The following MBD4 variants were observed in gnomAD, a reference collection of about 807,000 sequenced individuals.
MBD4 encodes methyl-CpG-binding domain protein 4.
Under a neutral mutation model 60.2 loss-of-function variants are expected in MBD4, and 53 were observed. That is an observed-to-expected ratio of 0.88 (90% CI 0.71 to 1.11). The LOEUF is 1.11. Among genes scored for constraint, MBD4 ranks in the 50% least tolerant of loss-of-function variants. MBD4 has a pLI of 0.00. For missense variants in MBD4, 619 were observed against 674.0 expected, an observed-to-expected ratio of 0.92 and a Z score of 0.90; for synonymous variants, 231 against 229.8, an observed-to-expected ratio of 1.01 and a Z score of -0.05.
chr3:129,432,233 A>C, intron 7 of MBD4: 1 of 1,434,388 alleles, frequency 7.0e-7, no homozygotes, highest in Non-Finnish European at 9.1e-7. Flanking sequence ...GATAGCACAC[A>C]AATAGGGAAT....
chr3:129,437,935 A>G lies in MBD4; in HGVS notation c.120T>C (p.Ala40=). 6.2e-7 allele frequency: 1 copy of G among 1,607,936 alleles called. No individual in the cohort carries two copies. Among genetic ancestry groups the G allele is most frequent in the African/African-American group, 1.3e-5 (1 of 74,914 alleles). Residue 40 remains alanine (A), a synonymous_variant, in exon 2 of 8, where the codon GCT becomes GCC. Coordinates refer to ENST00000429544, the MANE Select transcript of MBD4 (RefSeq NM_001276270.2). ...PPNDLRKEDV[A]MELERVGEDE... ...CTTCTCCCACTCTTTCCAATTCCATAGCAACATCTTCTTTGCTGGAAAAAC... is the reference window on the plus strand; with the variant it reads ...CTTCTCCCACTCTTTCCAATTCCATGGCAACATCTTCTTTGCTGGAAAAAC...
Position 129,431,491 on chromosome 3 carries a change from G to C in MBD4, c.*10C>G, listed in dbSNP as rs761111334. 1 of 1,608,402 alleles carries C rather than the reference G, an allele frequency of 6.2e-7. No homozygotes were observed. Among genetic ancestry groups the C allele is most frequent in the Admixed American group, 1.7e-5 (1 of 60,006 alleles). ...CTATGCATAACAGATGAGCTTGAAA[G>C]CTGCAGAGTTTAAGATAGACTTAAT... On this transcript the variant is annotated 3_prime_UTR_variant, in exon 8 of 8. Transcript: ENST00000429544.
At position 129,436,736 on chromosome 3, in the gene MBD4, G is replaced by C. The variant is rs748871742; in HGVS notation, c.908C>G (p.Thr303Ser). The C allele has an allele frequency of 6.2e-7, 1 of 1,613,742 alleles. No homozygotes were observed. The highest frequency in any genetic ancestry group is 8.5e-7 in the Non-Finnish European group (1 of 1,179,946). Reference sequence around the variant, plus strand: ...TTTTACAAGGCTGTTTTCTTCACTGGTCACACTGAGGGTCTCACCACATGC... The same window carrying C: ...TTTTACAAGGCTGTTTTCTTCACTGCTCACACTGAGGGTCTCACCACATGC... The part of the protein sequence containing the change: ...AGACGETLSV[T>S]SEENSLVKKK... Residue 303 changes from threonine (T) to serine (S), a missense_variant, in exon 3 of 8, where the codon ACC (threonine) becomes AGC (serine). By Grantham distance (58) the Thr-to-Ser change is moderately conservative. Coordinates refer to ENST00000429544, the MANE Select transcript of MBD4 (RefSeq NM_001276270.2).
At position 129,432,563 on chromosome 3, in the gene MBD4, A is replaced by C. The variant is rs1398346491; in HGVS notation, c.1587T>G (p.His529Gln). 6.2e-7 allele frequency: 1 copy of C among 1,614,198 alleles called. No homozygotes were observed. The highest frequency in any genetic ancestry group is 8.5e-7 in the Non-Finnish European group (1 of 1,180,022). Residue 529 changes from histidine (H) to glutamine (Q), a missense_variant, in exon 7 of 8, where the codon CAT becomes CAG. His to Gln is a conservative substitution (Grantham distance 24). Transcript: ENST00000429544. Reference protein sequence around the residue: ...TKQWKYPIELHGIGKYGNDSY... With the variant: ...TKQWKYPIELQGIGKYGNDSY... ...AGTCGTTGCCATATTTACCAATCCC[A>C]TGAAGCTCAATTGGATACTTCCACT...
chr3:129,434,389 C>T (rs959886749), intron 3 of MBD4, among the ~76,000 whole-genome samples: 1 of 152,076 alleles, frequency 6.6e-6, no homozygotes, highest in Non-Finnish European at 1.5e-5. Flanking sequence ...ACTAAGTGTC[C>T]CAGCTAAAAT....
At chr3:129,438,012 T>G (rs2072503064) in intron 1 of MBD4, 62 bp from the exon 2 acceptor site, 1 of 980,170 alleles carries the variant, frequency 1.0e-6, no homozygotes, top group South Asian at 1.3e-5. Context: ...GCCTACTCAG[T>G]TTTAATCCAT....
At chr3:129,432,726 C>A in intron 6 of MBD4, 120 bp from the exon 7 acceptor site, 3 of 946,774 alleles carry the variant, frequency 3.2e-6, no homozygotes, top group South Asian at 1.3e-5. Flanking sequence ...TCTTTCCCAG[C>A]AACCCCAGTT....
At chr3:129,432,951 G>A in intron 6 of MBD4, 147 bp downstream of exon 6, 1 of 1,033,624 alleles carries the variant, frequency 9.7e-7, no homozygotes, top group Non-Finnish European at 1.4e-6. Context: ...CTGTGGTTTG[G>A]GGAAAGTGGA....
rs554600762 is a variant in MBD4, at chr3:129,437,807, C to T, written c.248G>A (p.Arg83His). 1.6e-5 allele frequency: 26 copies of T among 1,614,146 alleles called. No individual in the cohort carries two copies. Among genetic ancestry groups the T allele is most frequent in the Middle Eastern group, 3.3e-4 (2 of 6,062 alleles). ...TTCCCATCCACATGGGACAGACTTA[C>T]GGCATTCTGTTCCTGCAGTAGCACC... is the stretch of plus-strand genomic sequence containing the variant. ...QFGATAGTEC[R>H]KSVPCGWERV... Residue 83 changes from arginine to histidine, a missense_variant, in exon 2 of 8, where the codon CGT (arginine) becomes CAT (histidine). Physicochemically the swap from Arg to His is conservative, Grantham distance 29. Coordinates refer to ENST00000429544, the MANE Select transcript of MBD4 (RefSeq NM_001276270.2).
In MBD4 at chr3:129,431,604, C is replaced by G. The variant is rs769426144; in HGVS notation, c.1648-26G>C. 2.0e-5 allele frequency: 30 copies of G among 1,510,098 alleles called. No homozygotes were observed. The African/African-American group carries it at 4.0e-4, about 20-fold the overall frequency. 93.5% of individuals were successfully genotyped at this position (1,510,098 alleles called of 1,614,324 possible). A position where few individuals can be genotyped will look rare whatever the true frequency, so the allele number is the denominator to read the frequency against. ...CTGGAAGAAACATAAGATACAGAGG[C>G]AGAGACCTTAATGTAACTTAGTCAG... On this transcript the variant is annotated intron_variant, in intron 7 of 7. Coordinates refer to ENST00000429544, the MANE Select transcript of MBD4 (RefSeq NM_001276270.2).
Position 129,436,526 on chromosome 3 carries a change from G to A in MBD4, c.1118C>T (p.Thr373Ile). ...TTCAGAGCCACGTTTTAAAATGTCA[G>A]TATGCAAATGTTCTTTCCTTTCCAC... is the stretch of plus-strand genomic sequence containing the variant. ...EVVERKEHLH[T>I]DILKRGSEMD... is the part of the protein sequence containing the mutation. Residue 373 changes from threonine to isoleucine, a missense_variant, in exon 3 of 8, where the codon ACT becomes ATT. Coordinates refer to ENST00000429544, the MANE Select transcript of MBD4 (RefSeq NM_001276270.2). The A allele has an allele frequency of 6.2e-7, 1 of 1,614,084 alleles. No individual in the cohort carries two copies. Among genetic ancestry groups the A allele is most frequent in the Non-Finnish European group, 8.5e-7 (1 of 1,179,964 alleles).
chr3:129,439,738 A>C lies in MBD4; in HGVS notation c.96T>G (p.Asn32Lys), dbSNP rs1046218635. 5.0e-6 allele frequency: 8 copies of C among 1,587,692 alleles called. No individual in the cohort carries two copies. The African/African-American group carries it at 8.0e-5, about 16-fold the overall frequency. Residue 32 changes from asparagine (N) to lysine (K), a missense_variant, in exon 1 of 8, where the codon AAT (asparagine) becomes AAG (lysine). Asn to Lys is a moderately conservative substitution (Grantham distance 94). Transcript: ENST00000429544. Reference sequence around the variant, plus strand: ...AGGGGACAGTAACTTACCGGAGGTCATTCGGCGGGTCTGGGACTAGGCGCT... The same window carrying C: ...AGGGGACAGTAACTTACCGGAGGTCCTTCGGCGGGTCTGGGACTAGGCGCT... ...SSERLVPDPPNDLRKEDVAME... is the reference protein window; with the variant it reads ...SSERLVPDPPKDLRKEDVAME...
At chr3:129,432,215 G>A (rs1182926918) in intron 7 of MBD4, 1 of 1,420,598 alleles carries the variant, frequency 7.0e-7, no homozygotes, top group Admixed American at 2.9e-5. Context: ...AACCACGTCA[G>A]GCTTAGAGAT....
chr3:129,439,648 A>G, intron 1 of MBD4, 82 bp downstream of exon 1: 1 of 917,752 alleles, frequency 1.1e-6, no homozygotes. Flanking sequence ...GTCAAAGGTT[A>G]GAAAGGCCCA....
At chr3:129,432,960 G>T in intron 6 of MBD4, 138 bp downstream of exon 6, 1 of 1,137,744 alleles carries the variant, frequency 8.8e-7, no homozygotes, top group Non-Finnish European at 1.3e-6. Context: ...GGGGAAAGTG[G>T]ACTTTTTTAA....
intron 6 of MBD4, 33 bp downstream of exon 6, chr3:129,433,064 AT>A: frequency 6.2e-7 from 1 of 1,612,096 alleles, no homozygotes; most frequent in South Asian, 1.1e-5. Flanking sequence ...AGCACAATGT[AT>A]TATGTTTTTC....
At position 129,436,778 on chromosome 3, in the gene MBD4, C is replaced by A; in HGVS notation, c.866G>T (p.Cys289Phe). 2 of 1,614,070 alleles carry A rather than the reference C, an allele frequency of 1.2e-6. No individual in the cohort carries two copies. The highest frequency in any genetic ancestry group is 1.7e-6 in the Non-Finnish European group (2 of 1,179,980). The change falls in exon 3 of 8, where the codon TGC (cysteine) becomes TTC (phenylalanine). Residue 289 changes from cysteine to phenylalanine, a missense_variant. Transcript: ENST00000429544. Reference protein sequence around the residue: ...AQKSQLDRTVCISDAGACGET... With the variant: ...AQKSQLDRTVFISDAGACGET... ...ACCACATGCTCCAGCATCAGAAATG[C>A]AGACAGTTCTATCAAGCTGACTTTT... is the stretch of plus-strand genomic sequence containing the variant.
chr3:129,432,635 G>A, intron 6 of MBD4, 29 bp from the exon 7 acceptor site: 3 of 1,608,734 alleles, frequency 1.9e-6, no homozygotes, highest in African/African-American at 1.3e-5. Context: ...CACATTATCA[G>A]GTCAGCTTCT....
Position 129,436,720 on chromosome 3 carries a change from G to A in MBD4, c.924C>T (p.Ser308=). Residue 308 remains serine (S), a synonymous_variant, in exon 3 of 8, where the codon AGC becomes AGT. Coordinates refer to ENST00000429544, the MANE Select transcript of MBD4 (RefSeq NM_001276270.2). Reference sequence around the variant, plus strand: ...ATGATCTTTCTTTTTTTTTTACAAGGCTGTTTTCTTCACTGGTCACACTGA... The same window carrying A: ...ATGATCTTTCTTTTTTTTTTACAAGACTGTTTTCTTCACTGGTCACACTGA... The part of the protein sequence containing the change: ...ETLSVTSEEN[S]LVKKKERSLS... The A allele has an allele frequency of 3.1e-6, 5 of 1,613,442 alleles. No individual in the cohort carries two copies. Among genetic ancestry groups the A allele is most frequent in the Non-Finnish European group, 4.2e-6 (5 of 1,179,848 alleles).
Sources: allele counts gnomAD v4.1 joint callset (sites outside exome capture counted in the v4.1 genomes callset), GRCh38; gene constraint gnomAD v4.1.1; transcripts MANE v1.5; gene names NCBI Gene and HGNC (gene_info 2026-07-23, HGNC 2026-07-21).